The following AKR1B15 variants were observed in gnomAD, a reference collection of about 807,000 sequenced individuals.
AKR1B15 encodes estradiol 17-beta-dehydrogenase AKR1B15.
In AKR1B15, 49 loss-of-function variants were observed where a neutral mutation model predicts 38.5. The observed-to-expected ratio is 1.27, with a 90% confidence interval of 1.01 to 1.62. The LOEUF (loss-of-function observed/expected upper bound fraction) is 1.62, where lower values mean the gene tolerates loss of function less well. AKR1B15 is among the 40% of genes most tolerant of loss of function. The pLI, the probability that AKR1B15 is intolerant of heterozygous loss-of-function variation, is 0.00. For missense variants in AKR1B15, 411 were observed against 381.6 expected (o/e 1.08, Z -0.64); for synonymous variants, 137 against 135.5 (o/e 1.01, Z -0.08).
chr7:134,569,711 C>G, intron 5 of AKR1B15, 182 bp downstream of exon 5: 1 of 584,828 alleles, frequency 1.7e-6, no homozygotes, highest in East Asian at 3.0e-5. Flanking sequence ...TTACTGCAAT[C>G]TCTGAACATA....
intron 11 of AKR1B15, among the ~76,000 whole-genome samples, chr7:134,579,135 C>A (rs1258743820): frequency 6.6e-6 from 1 of 152,150 alleles, no homozygotes; most frequent in Non-Finnish European, 1.5e-5. Context: ...AGCCCTTTTC[C>A]GGTGGTATTA....
In AKR1B15 at chr7:134,579,642, C is replaced by T. The variant is rs763140985; in HGVS notation, c.*93C>T. The T allele has an allele frequency of 3.3e-5, 39 of 1,190,896 alleles. No individual in the cohort carries two copies. In the African/African-American group the frequency reaches 4.7e-4, roughly 14 times the overall value. 73.8% of individuals were successfully genotyped at this position (1,190,896 alleles called of 1,614,324 possible). A position where few individuals can be genotyped will look rare whatever the true frequency, so the allele number is the denominator to read the frequency against. On this transcript the variant is annotated 3_prime_UTR_variant, in exon 12 of 12. Transcript: ENST00000457545. ...CAAGAACTATTTTAGCCAAGCTTAT[C>T]TGAGATCACAGTGAACTTTGTCCTG...
At chr7:134,576,545 C>T (rs1157524542) in intron 9 of AKR1B15, 115 bp downstream of exon 9, 1 of 1,249,530 alleles carries the variant, frequency 8.0e-7, no homozygotes, top group East Asian at 2.5e-5. Flanking sequence ...GGAGCTGAAG[C>T]CCTCTAAAGT....
chr7:134,562,847 TTTC>T (rs1794441250), intron 2 of AKR1B15, among the ~76,000 whole-genome samples: 2 of 93,130 alleles, frequency 2.1e-5, no homozygotes, highest in African/African-American at 1.1e-4. Flanking sequence ...TCTTTCTTTC[TTTC>T]TTTCTTTCTT....
chr7:134,568,704 G>C (rs948034787), intron 4 of AKR1B15, among the ~76,000 whole-genome samples: 25 of 152,072 alleles, frequency 1.6e-4, no homozygotes, highest in African/African-American at 5.8e-4. Flanking sequence ...TCTCAGCCAG[G>C]GGGTATTTTG....
chr7:134,554,584 A>G (rs1434791015), intron 1 of AKR1B15, among the ~76,000 whole-genome samples: 3 of 152,180 alleles, frequency 2.0e-5, no homozygotes, highest in Non-Finnish European at 4.4e-5. Context: ...GTGCCCAAGT[A>G]AACACCAAGC....
chr7:134,576,330 A>G lies in AKR1B15; in HGVS notation c.744-19A>G. On this transcript the variant is annotated intron_variant, in intron 8 of 11. Transcript: ENST00000457545. Reference sequence around the variant, plus strand: ...GGTAGCCATGGTGATTATTCACATCAGCATCTTTCTGCCCCTAGGGCCAAA... The same window carrying G: ...GGTAGCCATGGTGATTATTCACATCGGCATCTTTCTGCCCCTAGGGCCAAA... 2 of 1,609,938 alleles carry G rather than the reference A, an allele frequency of 1.2e-6. No individual in the cohort carries two copies. Among genetic ancestry groups the G allele is most frequent in the South Asian group, 2.2e-5 (2 of 90,984 alleles).
At chr7:134,571,725 A>C (rs182391542) in intron 6 of AKR1B15, 44 bp downstream of exon 6, 1 of 1,484,008 alleles carries the variant, frequency 6.7e-7, no homozygotes, top group African/African-American at 1.4e-5. Flanking sequence ...AGAAATCCTC[A>C]GTTATCCATG....
rs185601603 is a variant in AKR1B15 at position 134,561,017 on chromosome 7, C to T, written c.-22-3581C>T. Reference sequence around the variant, plus strand: ...ATAGTTTACTGTGGCATGCATACTCCCATTGCAGTGGTCTATTCCCAGAGA... The same window carrying T: ...ATAGTTTACTGTGGCATGCATACTCTCATTGCAGTGGTCTATTCCCAGAGA... On this transcript the variant is annotated intron_variant, in intron 2 of 11. Coordinates refer to ENST00000457545, the MANE Select transcript of AKR1B15 (RefSeq NM_001080538.3). 6.0e-4 allele frequency among the ~76,000 whole-genome samples: 91 copies of T among 152,186 alleles called. No homozygotes were observed. In the East Asian group the frequency reaches 0.014, roughly 24 times the overall value.
intron 2 of AKR1B15, among the ~76,000 whole-genome samples, chr7:134,562,287 G>A (rs1562946533): frequency 6.6e-6 from 1 of 152,184 alleles, no homozygotes; most frequent in African/African-American, 2.4e-5. Flanking sequence ...AACAGCGGAA[G>A]AACAATGCTT....
Position 134,577,021 on chromosome 7 carries a change from C to G in AKR1B15, c.884C>G (p.Pro295Arg), listed in dbSNP as rs376011585. 5 of 1,613,678 alleles carry G rather than the reference C, an allele frequency of 3.1e-6. No homozygotes were observed. In the African/African-American group the frequency reaches 6.7e-5, roughly 22 times the overall value. The change falls in exon 10 of 12, where the codon CCA (proline) becomes CGA (arginine). Residue 295 changes from proline (P) to arginine (R), a missense_variant. Physicochemically the swap from Pro to Arg is moderately radical, Grantham distance 103. Transcript: ENST00000457545. The part of the protein sequence containing the change: ...NVTVIPKSMT[P>R]AHIVENIQVF... ...ACAGTGATCCCCAAGTCTATGACAC[C>G]AGCACACATTGTTGAGAACATTCAG...
At chr7:134,554,647 A>C (rs1387045723) in intron 1 of AKR1B15, among the ~76,000 whole-genome samples, 2 of 152,186 alleles carry the variant, frequency 1.3e-5, no homozygotes, top group African/African-American at 4.8e-5. Context: ...TGCCAGGAGG[A>C]AGGTGGGAAA....
intron 9 of AKR1B15, 121 bp downstream of exon 9, chr7:134,576,551 A>G (rs1450717206): frequency 1.7e-6 from 2 of 1,206,192 alleles, no homozygotes; most frequent in Middle Eastern, 1.9e-4. Flanking sequence ...GAAGCCCTCT[A>G]AAGTATTTCC....
chr7:134,579,644 G>A lies in AKR1B15; in HGVS notation c.*95G>A, dbSNP rs1300081890. On this transcript the variant is annotated 3_prime_UTR_variant, in exon 12 of 12. Coordinates refer to ENST00000457545, the MANE Select transcript of AKR1B15 (RefSeq NM_001080538.3). ...AGAACTATTTTAGCCAAGCTTATCT[G>A]AGATCACAGTGAACTTTGTCCTGTT... The A allele has an allele frequency of 8.6e-6, 10 of 1,165,654 alleles. No individual in the cohort carries two copies. The highest frequency in any genetic ancestry group is 2.8e-5 in the Admixed American group (1 of 35,488). The allele number at this position is 1,165,654 out of a possible 1,614,324, so 72.2% of individuals were successfully genotyped here. A position where few individuals can be genotyped will look rare whatever the true frequency, so the allele number is the denominator to read the frequency against.
rs1363757051 is a variant in AKR1B15, at chr7:134,579,453, G to C, written c.993-54G>C. 7.6e-6 allele frequency: 11 copies of C among 1,456,758 alleles called. 1 individual carries two copies. The highest frequency in any genetic ancestry group is 7.5e-6 in the Non-Finnish European group (8 of 1,071,966). 90.2% of individuals were successfully genotyped at this position (1,456,758 alleles called of 1,614,324 possible). On this transcript the variant is annotated intron_variant, in intron 11 of 11. Coordinates refer to ENST00000457545, the MANE Select transcript of AKR1B15 (RefSeq NM_001080538.3). ...CCAGAGAAGAATACCTTCTCAGCGA[G>C]AGTTGTTGCTTTGATGGAACACAGT...
chr7:134,550,091 G>A (rs1318339558), intron 1 of AKR1B15, among the ~76,000 whole-genome samples: 1 of 152,164 alleles, frequency 6.6e-6, no homozygotes, highest in Non-Finnish European at 1.5e-5. Context: ...CTTCTCCTTA[G>A]ACCAGTGGTG....
chr7:134,566,137 T>C (rs112182836), intron 3 of AKR1B15, among the ~76,000 whole-genome samples: 2,612 of 152,150 alleles, frequency 0.017, 76 homozygotes, highest in African/African-American at 0.06. Context: ...CTACAAATAA[T>C]CAATAAATTA....
At chr7:134,561,340 T>G (rs1164309633) in intron 2 of AKR1B15, among the ~76,000 whole-genome samples, 1 of 152,126 alleles carries the variant, frequency 6.6e-6, no homozygotes, top group Non-Finnish European at 1.5e-5. Flanking sequence ...CCCAAGCAGC[T>G]GGGACTACAG....
chr7:134,575,136 G>C (rs555174212), intron 6 of AKR1B15, among the ~76,000 whole-genome samples: 9 of 151,870 alleles, frequency 5.9e-5, no homozygotes, highest in Non-Finnish European at 8.8e-5. Flanking sequence ...ATGGTGTATG[G>C]AACTATAATT....
Sources: allele counts gnomAD v4.1 joint callset (sites outside exome capture counted in the v4.1 genomes callset), GRCh38; gene constraint gnomAD v4.1.1; transcripts MANE v1.5; gene names NCBI Gene and HGNC (gene_info 2026-07-23, HGNC 2026-07-21).